The following CSMD1 variants were observed in gnomAD, a reference collection of about 807,000 sequenced individuals.
The protein encoded by CSMD1 is CUB and sushi domain-containing protein 1.
Under a neutral mutation model 417.5 loss-of-function variants are expected in CSMD1, and 213 were observed. The ratio of observed to expected loss-of-function variants is 0.51; its 90% CI spans 0.46 to 0.57. The LOEUF is 0.57. Among genes scored for constraint, CSMD1 ranks in the 20% least tolerant of loss-of-function variants. The pLI is 0.00. For synonymous variants in CSMD1, 2,862 were observed against 1,736.8 expected, an observed-to-expected ratio of 1.65 and a Z score of -16.11; for missense variants, 6,923 against 4,529.7, an observed-to-expected ratio of 1.53 and a Z score of -15.17.
intron 55 of CSMD1, 118 bp downstream of exon 55, chr8:2,978,494 T>C (rs572206122): frequency 1.3e-6 from 1 of 759,038 alleles, no homozygotes; most frequent in South Asian, 2.1e-5. Context: ...CTACAATTGG[T>C]GATGGGAGGA....
chr8:3,276,941 C>G (rs750991450), intron 26 of CSMD1, among the ~76,000 whole-genome samples: 6 of 152,116 alleles, frequency 3.9e-5, no homozygotes, highest in Non-Finnish European at 7.3e-5. Flanking sequence ...CCACAATGGG[C>G]TAAGCACTAT....
intron 2 of CSMD1, among the ~76,000 whole-genome samples, chr8:4,463,269 T>C (rs998910187): frequency 3.3e-5 from 5 of 151,962 alleles, no homozygotes; most frequent in Admixed American, 2.0e-4. Flanking sequence ...ATAGGTACCA[T>C]CAAAAAGACA....
At chr8:3,462,789 T>G (rs532801716) in intron 12 of CSMD1, among the ~76,000 whole-genome samples, 1 of 151,094 alleles carries the variant, frequency 6.6e-6, no homozygotes, top group East Asian at 2.0e-4. Context: ...CCAAAAAGGC[T>G]GGGGACTCTT....
chr8:4,955,126 T>C (rs185289262), intron 1 of CSMD1, among the ~76,000 whole-genome samples: 124 of 152,264 alleles, frequency 8.1e-4, no homozygotes, highest in African/African-American at 3.0e-3. Context: ...TGGGACTCTT[T>C]GGCTGCACCT....
chr8:4,254,727 G>A (rs1222339271), intron 3 of CSMD1, among the ~76,000 whole-genome samples: 8 of 152,046 alleles, frequency 5.3e-5, no homozygotes, highest in African/African-American at 1.7e-4. Context: ...GTATGGTTAT[G>A]TATCTTCAGA....
chr8:4,276,383 T>G (rs1585142089), intron 3 of CSMD1, among the ~76,000 whole-genome samples: 1 of 152,016 alleles, frequency 6.6e-6, no homozygotes, highest in Non-Finnish European at 1.5e-5. Context: ...AACAGAAAAC[T>G]AAACACCACA....
chr8:4,050,298 C>G (rs1489729126), intron 3 of CSMD1, among the ~76,000 whole-genome samples: 5 of 152,062 alleles, frequency 3.3e-5, no homozygotes, highest in Non-Finnish European at 7.4e-5. Flanking sequence ...CTATGAGCAG[C>G]AGAACTTAAG....
intron 1 of CSMD1, among the ~76,000 whole-genome samples, chr8:4,936,771 G>C (rs546792422): frequency 7.2e-5 from 11 of 152,272 alleles, no homozygotes; most frequent in African/African-American, 2.4e-4. Flanking sequence ...TATATGTGTT[G>C]TCCCTAAAAC....
At chr8:4,877,312 A>G (rs1803104835) in intron 1 of CSMD1, among the ~76,000 whole-genome samples, 1 of 152,116 alleles carries the variant, frequency 6.6e-6, no homozygotes, top group Admixed American at 6.6e-5. Flanking sequence ...GGCTGCATTT[A>G]AAAATTTTAC....
intron 3 of CSMD1, among the ~76,000 whole-genome samples, chr8:4,040,822 G>C (rs113490355): frequency 6.6e-6 from 1 of 152,068 alleles, no homozygotes; most frequent in Admixed American, 6.5e-5. Flanking sequence ...GCACGTGAAA[G>C]ACTTTAGCAG....
At position 4,309,962 on chromosome 8, in the gene CSMD1, T is replaced by G. The variant is rs144813961; in HGVS notation, c.415+109991A>C. On this transcript the variant is annotated intron_variant, in intron 3 of 69. Coordinates refer to ENST00000635120, the MANE Select transcript of CSMD1 (RefSeq NM_033225.6). ...TAGTCGATTATAGTTACCCCTATTTTTACATAGTGCTTTATTTTCACACCA... is the reference window on the plus strand; with the variant it reads ...TAGTCGATTATAGTTACCCCTATTTGTACATAGTGCTTTATTTTCACACCA... Among the ~76,000 whole-genome samples, 91 of 152,188 alleles carry G rather than the reference T, an allele frequency of 6.0e-4. 1 individual carries two copies. Among genetic ancestry groups the G allele is most frequent in the Non-Finnish European group, 2.4e-4 (16 of 68,042 alleles).
intron 3 of CSMD1, among the ~76,000 whole-genome samples, chr8:4,232,958 T>G (rs572521738): frequency 6.6e-6 from 1 of 152,332 alleles, no homozygotes; most frequent in East Asian, 1.9e-4. Flanking sequence ...AAGCATAATT[T>G]GGTTATTCAT....
At chr8:4,967,073 G>T (rs1041834831) in intron 1 of CSMD1, among the ~76,000 whole-genome samples, 9 of 152,134 alleles carry the variant, frequency 5.9e-5, no homozygotes, top group African/African-American at 2.2e-4. Flanking sequence ...AATTCAATTA[G>T]TCACTGATTT....
chr8:4,019,774 G>C (rs1163955516), intron 4 of CSMD1, among the ~76,000 whole-genome samples: 1 of 151,982 alleles, frequency 6.6e-6, no homozygotes, highest in Non-Finnish European at 1.5e-5. Context: ...TCCAAGTGGT[G>C]GTGTGTAAAA....
intron 3 of CSMD1, among the ~76,000 whole-genome samples, chr8:4,314,071 T>G (rs1230023952): frequency 6.6e-6 from 1 of 151,746 alleles, no homozygotes; most frequent in African/African-American, 2.4e-5. Context: ...TAAACTTGCT[T>G]TCTTTCTGTG....
intron 5 of CSMD1, among the ~76,000 whole-genome samples, chr8:3,989,020 C>A (rs1333199460): frequency 6.6e-6 from 1 of 152,184 alleles, no homozygotes; most frequent in Admixed American, 6.5e-5. Context: ...GTTCAAAACA[C>A]ATTCTATTTC....
chr8:4,737,567 T>G (rs1039305717), intron 1 of CSMD1, among the ~76,000 whole-genome samples: 1 of 152,194 alleles, frequency 6.6e-6, no homozygotes, highest in Non-Finnish European at 1.5e-5. Context: ...ACGGAAGTTA[T>G]TGCCAGCAAA....
In CSMD1 at chr8:2,998,023, G is replaced by A. The variant is rs1462761411; in HGVS notation, c.8365C>T (p.Pro2789Ser). 6.2e-7 allele frequency: 1 copy of A among 1,613,726 alleles called. No homozygotes were observed. The highest frequency in any genetic ancestry group is 1.7e-5 in the Admixed American group (1 of 60,002). Residue 2789 changes from proline (P) to serine (S), a missense_variant, in exon 54 of 70, where the codon CCC (proline) becomes TCC (serine). Transcript: ENST00000635120. ...RSNGQWSSPL[P>S]TCRVVNCSDP... ...ATGCTGTTCCTACCTCGACACGTGG[G>A]CAGAGGGCTACTCCACTGGCCGTTG...
intron 3 of CSMD1, among the ~76,000 whole-genome samples, chr8:4,246,490 G>T (rs1182432384): frequency 6.6e-6 from 1 of 152,114 alleles, no homozygotes; most frequent in Non-Finnish European, 1.5e-5. Context: ...AGAGATAAGA[G>T]TTTTTAAAGA....
Sources: allele counts gnomAD v4.1 joint callset (sites outside exome capture counted in the v4.1 genomes callset), GRCh38; gene constraint gnomAD v4.1.1; transcripts MANE v1.5; gene names NCBI Gene and HGNC (gene_info 2026-07-23, HGNC 2026-07-21).